SLC71A2: variants seen among roughly 807,000 people sequenced by gnomAD.
SLC71A2 encodes hippocampus abundant transcript-like 1.
At chr9:94,424,366 C>T in the SLC71A2 span, among the ~76,000 whole-genome samples, 122 of 151,900 alleles carry the variant, frequency 8.0e-4, no homozygotes, top group Non-Finnish European at 1.5e-3. Context: ...TCCTGAGTAG[C>T]TGGAATAACA....
the SLC71A2 span, among the ~76,000 whole-genome samples, chr9:94,453,729 G>A: frequency 6.6e-6 from 1 of 152,160 alleles, no homozygotes; most frequent in African/African-American, 2.4e-5. Flanking sequence ...CAGGTAGACA[G>A]GCTTCTTAGG....
At chr9:94,418,225 A>C in the SLC71A2 span, among the ~76,000 whole-genome samples, 2 of 151,222 alleles carry the variant, frequency 1.3e-5, no homozygotes, top group African/African-American at 2.4e-5. Context: ...ATTTATTTTT[A>C]TTTTTTTGCC....
the SLC71A2 span, among the ~76,000 whole-genome samples, chr9:94,422,987 T>C: frequency 1.0e-4 from 15 of 149,208 alleles, no homozygotes; most frequent in African/African-American, 1.7e-4. Context: ...TAGGCTGGAG[T>C]GTGCAGTGGT....
At chr9:94,450,492 A>ATTTTTTTTTTTTTTTT in the SLC71A2 span, among the ~76,000 whole-genome samples, 4 of 52,500 alleles carry the variant, frequency 7.6e-5, no homozygotes, top group African/African-American at 4.5e-4. Flanking sequence ...AAATAATGTA[A>ATTTTTTTTTTTTTTTT]CTTTTTTTTT....
the SLC71A2 span, among the ~76,000 whole-genome samples, chr9:94,454,304 G>A: frequency 6.6e-6 from 1 of 152,112 alleles, no homozygotes; most frequent in Non-Finnish European, 1.5e-5. Context: ...TTAATTGAAT[G>A]TATCTCTCTC....
the SLC71A2 span, chr9:94,458,200 C>T: frequency 1.8e-6 from 1 of 547,002 alleles, no homozygotes; most frequent in South Asian, 2.9e-5. Context: ...CATTAGCATG[C>T]TTTCTCTTTT....
chr9:94,384,991 A>T, the SLC71A2 span, among the ~76,000 whole-genome samples: 2 of 151,868 alleles, frequency 1.3e-5, no homozygotes, highest in African/African-American at 4.8e-5. Flanking sequence ...CCCTTGGGAT[A>T]ACGCAGTGAG....
At chr9:94,459,116 G>GACTA in the SLC71A2 span, 213 of 1,588,972 alleles carry the variant, frequency 1.3e-4, no homozygotes, top group East Asian at 3.8e-3. Context: ...TGAGTTAAAA[G>GACTA]ACTAACTGTA....
the SLC71A2 span, among the ~76,000 whole-genome samples, chr9:94,406,365 A>G: frequency 2.5e-3 from 385 of 152,122 alleles, 1 homozygote; most frequent in African/African-American, 8.8e-3. Context: ...TCAGACTCCC[A>G]TGTAGCTGGG....
chr9:94,460,810 A>G, the SLC71A2 span: 1 of 152,516 alleles, frequency 6.6e-6, no homozygotes, highest in East Asian at 1.9e-4. Flanking sequence ...AAAAGAAAAT[A>G]TATTTTGAAA....
the SLC71A2 span, among the ~76,000 whole-genome samples, chr9:94,393,746 A>G: frequency 1.4e-5 from 2 of 147,260 alleles, no homozygotes; most frequent in African/African-American, 2.5e-5. Flanking sequence ...GCCCCGCATA[A>G]TATCTGTTGC....
chr9:94,418,112 C>T, the SLC71A2 span, among the ~76,000 whole-genome samples: 1 of 152,144 alleles, frequency 6.6e-6, no homozygotes, highest in South Asian at 2.1e-4. Context: ...CCGCCCGCCT[C>T]GGGCTCCCAG....
At chr9:94,438,267 T>C in the SLC71A2 span, 1 of 1,197,682 alleles carries the variant, frequency 8.3e-7, no homozygotes, top group Non-Finnish European at 1.2e-6. Context: ...GTAGTTTGTA[T>C]TTAATGTTTC....
the SLC71A2 span, among the ~76,000 whole-genome samples, chr9:94,422,713 T>A: frequency 6.6e-6 from 1 of 152,196 alleles, no homozygotes; most frequent in Non-Finnish European, 1.5e-5. Context: ...TAACCCCCTT[T>A]ACGTATAACA....
chr9:94,382,962 G>C, the SLC71A2 span, among the ~76,000 whole-genome samples: 1 of 152,130 alleles, frequency 6.6e-6, no homozygotes, highest in Non-Finnish European at 1.5e-5. Context: ...CAAAGTCTGG[G>C]ATTACAGGCG....
the SLC71A2 span, among the ~76,000 whole-genome samples, chr9:94,408,846 C>T: frequency 2.1e-5 from 3 of 139,948 alleles, no homozygotes. Flanking sequence ...TTTTTTGAGA[C>T]GGAGTCTCGC....
the SLC71A2 span, among the ~76,000 whole-genome samples, chr9:94,440,666 G>A: frequency 6.6e-6 from 1 of 151,936 alleles, no homozygotes; most frequent in South Asian, 2.1e-4. Context: ...TTACAGCTAG[G>A]ATATTTGAGA....
the SLC71A2 span, among the ~76,000 whole-genome samples, chr9:94,457,271 T>G: frequency 6.6e-6 from 1 of 152,118 alleles, no homozygotes; most frequent in African/African-American, 2.4e-5. Context: ...CTGCTTTCCT[T>G]TCAAGCAGTT....
At chr9:94,419,352 T>C in the SLC71A2 span, among the ~76,000 whole-genome samples, 1 of 150,848 alleles carries the variant, frequency 6.6e-6, no homozygotes, top group African/African-American at 2.4e-5. Flanking sequence ...TGGAGTGCAG[T>C]GGCGGATCTT....
Sources: gnomAD v4.1 joint callset for allele counts (sites outside exome capture counted in the v4.1 genomes callset) on GRCh38, gnomAD v4.1.1 for gene constraint, MANE v1.5 for transcripts, NCBI Gene and HGNC (gene_info 2026-07-23, HGNC 2026-07-21) for gene names.